CHD5: variants seen among roughly 807,000 people sequenced by gnomAD.
The protein encoded by CHD5 is chromodomain helicase DNA binding protein 5.
A neutral mutation model predicts 230.3 loss-of-function variants in CHD5; 69 were observed. The ratio of observed to expected loss-of-function variants is 0.30; its 90% CI spans 0.25 to 0.37. The LOEUF is 0.37. Ranked by LOEUF, CHD5 falls within the 10% of genes least tolerant of loss-of-function variation. The pLI is 1.00. For synonymous variants in CHD5, 1,064 were observed against 1,065.9 expected, an observed-to-expected ratio of 1.00 and a Z score of 0.03; for missense variants, 1,827 against 2,622.8, an observed-to-expected ratio of 0.70 and a Z score of 6.63.
rs1022479262 is a variant in CHD5 at position 6,131,160 on chromosome 1, T to C, written c.3262+471A>G. Among the ~76,000 whole-genome samples the C allele has an allele frequency of 1.3e-5, 2 of 152,150 alleles. No individual in the cohort carries two copies. Among genetic ancestry groups the C allele is most frequent in the African/African-American group, 2.4e-5 (1 of 41,414 alleles). ...AGGAGGAACTCCACCGGCAAGACCCTCCTGACCTCCACCCTCGCCTCTCCT... is the reference window on the plus strand; with the variant it reads ...AGGAGGAACTCCACCGGCAAGACCCCCCTGACCTCCACCCTCGCCTCTCCT... On this transcript the variant is annotated intron_variant, in intron 21 of 41. Transcript: ENST00000262450. This position sits in a 1 kb window ranked among gnomAD's most constrained non-coding sequence, Gnocchi z 5.0.
intron 38 of CHD5, 88 bp downstream of exon 38, chr1:6,109,707 C>G: frequency 8.7e-7 from 1 of 1,145,134 alleles, no homozygotes; most frequent in Non-Finnish European, 1.3e-6. Context: ...AGCCCCTACC[C>G]CATCAGTGCC....
intron 2 of CHD5, among the ~76,000 whole-genome samples, chr1:6,165,639 C>T (rs1667240360): frequency 6.6e-6 from 1 of 151,978 alleles, no homozygotes; most frequent in African/African-American, 2.4e-5. Flanking sequence ...GTCTCGGTGT[C>T]TTCATCCCAG....
At position 6,126,088 on chromosome 1, in the gene CHD5, C is replaced by A. The variant is rs182847261; in HGVS notation, c.4079-230G>T. 6.6e-6 allele frequency among the ~76,000 whole-genome samples: 1 copy of A among 152,172 alleles called. No individual in the cohort carries two copies. Among genetic ancestry groups the A allele is most frequent in the African/African-American group, 2.4e-5 (1 of 41,424 alleles). On this transcript the variant is annotated intron_variant, in intron 26 of 41. Coordinates refer to ENST00000262450, the MANE Select transcript of CHD5 (RefSeq NM_015557.3). This position sits in a 1 kb window ranked among gnomAD's most constrained non-coding sequence, Gnocchi z 5.7. Reference sequence around the variant, plus strand: ...CATTACACATACTGTGTGCAAGGGACGTGCCCAAGGCCACGTCACGAGCAG... The same window carrying A: ...CATTACACATACTGTGTGCAAGGGAAGTGCCCAAGGCCACGTCACGAGCAG...
At position 6,125,238 on chromosome 1, in the gene CHD5, G is replaced by A. The variant is rs1438255352; in HGVS notation, c.4261-5C>T. On this transcript the variant is annotated splice_polypyrimidine_tract_variant and splice_region_variant and intron_variant, in intron 28 of 41. Coordinates refer to ENST00000262450, the MANE Select transcript of CHD5 (RefSeq NM_015557.3). The surrounding 1 kb of genome is among the most constrained non-coding windows in gnomAD (Gnocchi z 6.7). ...TCGGGCATTGAAGCCCAGCACCTGG[G>A]CGAGTGGAGCGTGGGAGTATGAGCC... 1.9e-6 allele frequency: 3 copies of A among 1,600,138 alleles called. No individual in the cohort carries two copies. Among genetic ancestry groups the A allele is most frequent in the East Asian group, 4.5e-5 (2 of 44,788 alleles).
At chr1:6,160,525 G>A (rs922983499) in intron 2 of CHD5, among the ~76,000 whole-genome samples, 2 of 152,294 alleles carry the variant, frequency 1.3e-5, no homozygotes, top group Non-Finnish European at 2.9e-5. Flanking sequence ...AGCCAGGGAA[G>A]GGCCGCTGCA....
At chr1:6,159,204 C>T in intron 3 of CHD5, 132 bp downstream of exon 3, 1 of 1,457,682 alleles carries the variant, frequency 6.9e-7, no homozygotes, top group Non-Finnish European at 9.1e-7. Context: ...TGCACTCCAG[C>T]CTGGCAACAG....
At chr1:6,139,057 G>A (rs1427787557) in intron 15 of CHD5, among the ~76,000 whole-genome samples, 1 of 152,230 alleles carries the variant, frequency 6.6e-6, no homozygotes, top group Non-Finnish European at 1.5e-5. Flanking sequence ...ACCCAGAGTA[G>A]TCAACCTCGT....
intron 34 of CHD5, 104 bp from the exon 35 acceptor site, chr1:6,112,381 T>C: frequency 7.2e-7 from 1 of 1,391,120 alleles, no homozygotes; most frequent in Non-Finnish European, 9.9e-7. Flanking sequence ...GTAGAAAACA[T>C]CCTCTTGTCC....
In CHD5 at chr1:6,111,789, C is replaced by A; in HGVS notation, c.5235G>T (p.Leu1745=). The part of the protein sequence containing the change: ...IWHRRHDYWL[L]AGIVTHGYAR... Reference sequence around the variant, plus strand: ...GCCAAGGATACGTCACGATGCCCGCCAGCAGCCAGTAGTCATGGCGCCGGT... The same window carrying A: ...GCCAAGGATACGTCACGATGCCCGCAAGCAGCCAGTAGTCATGGCGCCGGT... The change falls in exon 36 of 42, where the codon CTG becomes CTT. Residue 1745 remains leucine, a synonymous_variant. Coordinates refer to ENST00000262450, the MANE Select transcript of CHD5 (RefSeq NM_015557.3). 6.2e-7 allele frequency: 1 copy of A among 1,613,420 alleles called. No homozygotes were observed. Among genetic ancestry groups the A allele is most frequent in the South Asian group, 1.1e-5 (1 of 91,086 alleles).
At chr1:6,136,209 T>C (rs1040027578) in intron 17 of CHD5, among the ~76,000 whole-genome samples, 1 of 151,698 alleles carries the variant, frequency 6.6e-6, no homozygotes, top group African/African-American at 2.4e-5. Context: ...TGGGTCTCAG[T>C]GGAGGGAAAG....
Position 6,131,304 on chromosome 1 carries a change from G to C in CHD5, c.3262+327C>G, listed in dbSNP as rs1293092872. Among the ~76,000 whole-genome samples, 1 of 152,136 alleles carries C rather than the reference G, an allele frequency of 6.6e-6. No individual in the cohort carries two copies. The highest frequency in any genetic ancestry group is 2.4e-5 in the African/African-American group (1 of 41,436). On this transcript the variant is annotated intron_variant, in intron 21 of 41. Coordinates refer to ENST00000262450, the MANE Select transcript of CHD5 (RefSeq NM_015557.3). The surrounding 1 kb of genome is among the most constrained non-coding windows in gnomAD (Gnocchi z 5.0). ...GGCCCCAGGTAGCACGTGCATCTCTGTACCTTCTGCCACCATTCACCATAC... is the reference window on the plus strand; with the variant it reads ...GGCCCCAGGTAGCACGTGCATCTCTCTACCTTCTGCCACCATTCACCATAC...
At chr1:6,177,532 A>C (rs899821682) in intron 1 of CHD5, among the ~76,000 whole-genome samples, 4 of 152,222 alleles carry the variant, frequency 2.6e-5, no homozygotes, top group African/African-American at 9.6e-5. Context: ...GTGGTGACAC[A>C]AGCATGTAGT....
rs1666477830 is a variant in CHD5 at position 6,121,874 on chromosome 1, GC to G, written c.4700-302del. Among the ~76,000 whole-genome samples, 1 of 152,216 alleles carries G rather than the reference GC, an allele frequency of 6.6e-6. No homozygotes were observed. The highest frequency in any genetic ancestry group is 1.5e-5 in the Non-Finnish European group (1 of 68,040). ...AGGCAGGGAAGTGAGGCAGATGGAG[GC>G]CCAGATTGGGAGCCACGACACCCGC... On this transcript the variant is annotated intron_variant, in intron 31 of 41. Coordinates refer to ENST00000262450, the MANE Select transcript of CHD5 (RefSeq NM_015557.3). The surrounding 1 kb of genome is among the most constrained non-coding windows in gnomAD (Gnocchi z 4.5).
At position 6,142,716 on chromosome 1, in the gene CHD5, T is replaced by C. The variant is rs1419530506; in HGVS notation, c.2044-111A>G. 4.2e-6 allele frequency: 5 copies of C among 1,184,814 alleles called. No individual in the cohort carries two copies. In the East Asian group the frequency reaches 1.2e-4, roughly 29 times the overall value. The allele number at this position is 1,184,814 out of a possible 1,614,324, so 73.4% of individuals were successfully genotyped here. On this transcript the variant is annotated intron_variant, in intron 13 of 41. Coordinates refer to ENST00000262450, the MANE Select transcript of CHD5 (RefSeq NM_015557.3). The surrounding 1 kb of genome is among the most constrained non-coding windows in gnomAD (Gnocchi z 5.2). ...CTGCCTGGAACACTCTTCCCACTCC[T>C]GTCTGTCTTCCTAACTCTTCTCCAG...
At position 6,112,293 on chromosome 1, in the gene CHD5, C is replaced by T; in HGVS notation, c.5003-16G>A. ...TTGGTGTCATCTGCCGGGGACAGAT[C>T]ACATTCATTCATCCATCCATCCAAA... On this transcript the variant is annotated splice_polypyrimidine_tract_variant and intron_variant, in intron 34 of 41. Transcript: ENST00000262450. The T allele has an allele frequency of 1.2e-6, 2 of 1,610,248 alleles. No homozygotes were observed. Among genetic ancestry groups the T allele is most frequent in the African/African-American group, 1.3e-5 (1 of 74,938 alleles).
In CHD5 at chr1:6,131,880, G is replaced by A. The variant is rs1666663323; in HGVS notation, c.3145-132C>T. On this transcript the variant is annotated intron_variant, in intron 20 of 41. Transcript: ENST00000262450. This position sits in a 1 kb window ranked among gnomAD's most constrained non-coding sequence, Gnocchi z 5.0. The stretch of plus-strand genomic sequence containing the variant: ...TGGGGAGACAGCTGGGACCCAGGCA[G>A]GCCCAATGCAGGACTCTGGGGAAGA... 1.6e-6 allele frequency: 1 copy of A among 643,944 alleles called. No individual in the cohort carries two copies. Among genetic ancestry groups the A allele is most frequent in the South Asian group, 1.9e-5 (1 of 53,462 alleles). The allele number at this position is 643,944 out of a possible 1,614,324, so 39.9% of individuals were successfully genotyped here. A position where few individuals can be genotyped will look rare whatever the true frequency, so the allele number is the denominator to read the frequency against.
In CHD5 at chr1:6,151,059, T is replaced by C; in HGVS notation, c.967A>G (p.Ser323Gly). 1 of 1,592,188 alleles carries C rather than the reference T, an allele frequency of 6.3e-7. No individual in the cohort carries two copies. Among genetic ancestry groups the C allele is most frequent in the Admixed American group, 1.7e-5 (1 of 58,626 alleles). Residue 323 changes from serine (S) to glycine (G), a missense_variant, in exon 7 of 42, where the codon AGC becomes GGC. Around this residue, in one of 14 missense-constraint regions of CHD5, gnomAD observed 657 missense variants for 816.4 expected, o/e 0.80. Coordinates refer to ENST00000262450, the MANE Select transcript of CHD5 (RefSeq NM_015557.3). ...CTCTTCTTCTTGCGCCTCCTCTTGCTCTTCTTGCCCAGGGCTGCAGAGCAT... is the reference window on the plus strand; with the variant it reads ...CTCTTCTTCTTGCGCCTCCTCTTGCCCTTCTTGCCCAGGGCTGCAGAGCAT... The part of the protein sequence containing the change: ...SECSAALGKK[S>G]KRRRKKKRID...
chr1:6,120,600 G>A lies in CHD5; in HGVS notation c.4912+505C>T, dbSNP rs541769889. 7.1e-4 allele frequency among the ~76,000 whole-genome samples: 108 copies of A among 151,876 alleles called. 1 individual carries two copies. The highest frequency in any genetic ancestry group is 2.1e-3 in the African/African-American group (88 of 41,398). The stretch of plus-strand genomic sequence containing the variant: ...AGGCGGATCACGAGGTCAAGAGATC[G>A]AGACCAGCCTGGCCAACATGGCAAA... On this transcript the variant is annotated intron_variant, in intron 33 of 41. Transcript: ENST00000262450.
chr1:6,173,198 A>T (rs1427964356), intron 1 of CHD5, among the ~76,000 whole-genome samples: 1 of 150,084 alleles, frequency 6.7e-6, no homozygotes, highest in African/African-American at 2.5e-5. Flanking sequence ...TCCGCCTCCC[A>T]GGTTCACGCC....
Sources: allele counts gnomAD v4.1 joint callset (sites outside exome capture counted in the v4.1 genomes callset), GRCh38; gene constraint gnomAD v4.1.1; regional missense constraint gnomAD v4.1.1; non-coding constraint Gnocchi (gnomAD v3.1); transcripts MANE v1.5; gene names NCBI Gene and HGNC (gene_info 2026-07-23, HGNC 2026-07-21).